RBFOX1: variants seen among roughly 807,000 people sequenced by gnomAD.
The protein encoded by RBFOX1 is RNA binding fox-1 homolog 1.
RBFOX1 carries 8 observed loss-of-function variants against 57.7 expected under a neutral mutation model. The observed-to-expected ratio is 0.14, with a 90% CI of 0.08 to 0.25. The LOEUF (loss-of-function observed/expected upper bound fraction) is 0.25, where lower values mean the gene tolerates loss of function less well. RBFOX1 is among the 10% of genes least tolerant of loss of function. The probability of loss-of-function intolerance (pLI) is 1.00; values close to 1 mark genes in which losing one functional copy is unlikely to be tolerated. For missense variants in RBFOX1, 611 were observed against 548.5 expected, an observed-to-expected ratio of 1.11 and a Z score of -1.14; for synonymous variants, 326 against 222.4, an observed-to-expected ratio of 1.47 and a Z score of -4.15.
chr16:6,156,824 T>G (rs923293103), intron 1 of RBFOX1, among the ~76,000 whole-genome samples: 8 of 152,170 alleles, frequency 5.3e-5, no homozygotes, highest in Admixed American at 2.0e-4. Context: ...TATACTATGT[T>G]TATTTAAATG....
intron 3 of RBFOX1, among the ~76,000 whole-genome samples, chr16:6,792,253 A>G (rs1006061029): frequency 6.6e-6 from 1 of 152,188 alleles, no homozygotes; most frequent in Non-Finnish European, 1.5e-5. Context: ...TGATATTTAG[A>G]TTTTGTAAGA....
In RBFOX1 at chr16:6,760,822, C is replaced by T. The variant is rs181192123; in HGVS notation, c.-16+106172C>T. Among the ~76,000 whole-genome samples the T allele has an allele frequency of 3.0e-3, 458 of 152,272 alleles. 2 individuals are homozygous for T. The highest frequency in any genetic ancestry group is 9.6e-3 in the African/African-American group (401 of 41,560). On this transcript the variant is annotated intron_variant, in intron 3 of 15. Coordinates refer to ENST00000550418, the MANE Select transcript of RBFOX1 (RefSeq NM_018723.4). The stretch of plus-strand genomic sequence containing the variant: ...GATCAGAGATTCCAACTAGAACCAA[C>T]ACCAACAGTGTGTGGCCCCAGGGAG...
chr16:5,277,788 A>G (rs2063178014), intron 1 of RBFOX1, among the ~76,000 whole-genome samples: 1 of 152,174 alleles, frequency 6.6e-6, no homozygotes, highest in Admixed American at 6.5e-5. Context: ...ACCTGACATT[A>G]TGACCTTTAG....
At chr16:6,552,993 G>A (rs2097020945) in intron 2 of RBFOX1, among the ~76,000 whole-genome samples, 1 of 152,062 alleles carries the variant, frequency 6.6e-6, no homozygotes, top group South Asian at 2.1e-4. Context: ...AGCATCAGCT[G>A]CCCCCTGCAA....
At chr16:7,161,873 T>G (rs776954071) in intron 4 of RBFOX1, among the ~76,000 whole-genome samples, 3 of 152,240 alleles carry the variant, frequency 2.0e-5, no homozygotes, top group Non-Finnish European at 4.4e-5. Context: ...CCATTTGCAG[T>G]GCCCAGAATG....
At chr16:5,505,279 T>C (rs1269691149) in intron 2 of RBFOX1, among the ~76,000 whole-genome samples, 1 of 152,232 alleles carries the variant, frequency 6.6e-6, no homozygotes, top group Non-Finnish European at 1.5e-5. Flanking sequence ...GGGATAACCC[T>C]GAACTGTAGG....
At chr16:6,101,952 A>T (rs1285238476) in intron 1 of RBFOX1, among the ~76,000 whole-genome samples, 1 of 152,060 alleles carries the variant, frequency 6.6e-6, no homozygotes, top group Non-Finnish European at 1.5e-5. Flanking sequence ...TGGCTCTCGG[A>T]GGCCCAGGGT....
At chr16:5,809,242 C>G (rs971007538) in intron 3 of RBFOX1, among the ~76,000 whole-genome samples, 2 of 152,164 alleles carry the variant, frequency 1.3e-5, no homozygotes, top group South Asian at 2.1e-4. Context: ...CTAGGCATTA[C>G]CATTCAGGAC....
intron 3 of RBFOX1, among the ~76,000 whole-genome samples, chr16:5,633,621 C>T (rs1305061883): frequency 6.6e-6 from 1 of 152,100 alleles, no homozygotes; most frequent in Non-Finnish European, 1.5e-5. Flanking sequence ...CGCCTGTAAT[C>T]CCAGCACTTT....
intron 3 of RBFOX1, among the ~76,000 whole-genome samples, chr16:6,838,344 C>T (rs549155550): frequency 2.5e-4 from 38 of 152,148 alleles, no homozygotes; most frequent in African/African-American, 8.7e-4. Flanking sequence ...CATGTCCCTG[C>T]AAAGACCATT....
intron 3 of RBFOX1, among the ~76,000 whole-genome samples, chr16:6,856,829 A>G (rs2057999655): frequency 1.3e-5 from 2 of 152,148 alleles, no homozygotes; most frequent in African/African-American, 4.8e-5. Flanking sequence ...TTGTCAAACC[A>G]CTGATTGACA....
At chr16:7,157,045 T>C (rs2077294034) in intron 4 of RBFOX1, among the ~76,000 whole-genome samples, 1 of 152,216 alleles carries the variant, frequency 6.6e-6, no homozygotes, top group African/African-American at 2.4e-5. Flanking sequence ...CAAGGAGCTC[T>C]CCTGTTTTTC....
At chr16:5,952,507 G>A (rs779062461) in intron 4 of RBFOX1, among the ~76,000 whole-genome samples, 3 of 151,978 alleles carry the variant, frequency 2.0e-5, no homozygotes, top group African/African-American at 4.8e-5. Context: ...GGCTGGTCTC[G>A]AACCACTGAC....
intron 5 of RBFOX1, among the ~76,000 whole-genome samples, chr16:7,546,693 C>T (rs2084650222): frequency 6.6e-6 from 1 of 152,188 alleles, no homozygotes; most frequent in African/African-American, 2.4e-5. Flanking sequence ...TATTCAATGA[C>T]TATTCAGATT....
At chr16:7,028,034 T>C (rs1442340749) in intron 3 of RBFOX1, among the ~76,000 whole-genome samples, 2 of 152,096 alleles carry the variant, frequency 1.3e-5, no homozygotes, top group East Asian at 3.9e-4. Context: ...GGAAGCCTTA[T>C]TTAATCTCCA....
intron 4 of RBFOX1, among the ~76,000 whole-genome samples, chr16:7,415,396 A>C (rs2098468762): frequency 6.6e-6 from 1 of 152,116 alleles, no homozygotes; most frequent in Non-Finnish European, 1.5e-5. Flanking sequence ...AGTGCACTTG[A>C]AGTTTGTGGT....
In RBFOX1 at chr16:5,969,969, C is replaced by T. The variant is rs944444980; in HGVS notation, c.351+102634C>T. Among the ~76,000 whole-genome samples the T allele has an allele frequency of 7.6e-4, 115 of 152,206 alleles. 1 individual carries two copies. Among genetic ancestry groups the T allele is most frequent in the African/African-American group, 2.7e-3 (111 of 41,526 alleles). On this transcript the variant is annotated intron_variant, in intron 4 of 19. Coordinates refer to the RBFOX1 transcript ENST00000641259. The stretch of plus-strand genomic sequence containing the variant: ...GTTGACCACATCTGTTGCTTCGCAG[C>T]TCACTGGGGATACGTTGTGTTCACT...
At chr16:5,777,210 GCCTTT>G (rs1048079209) in intron 3 of RBFOX1, among the ~76,000 whole-genome samples, 23 of 152,218 alleles carry the variant, frequency 1.5e-4, no homozygotes, top group African/African-American at 5.5e-4. Flanking sequence ...GAATTTCCTT[GCCTTT>G]TCCAGCTGCA....
Position 6,497,682 on chromosome 16 carries a change from G to A in RBFOX1, c.-63-156921G>A, listed in dbSNP as rs536012724. Among the ~76,000 whole-genome samples, 24 of 152,020 alleles carry A rather than the reference G, an allele frequency of 1.6e-4. 1 individual carries two copies. The highest frequency in any genetic ancestry group is 1.2e-3 in the Admixed American group (19 of 15,262). On this transcript the variant is annotated intron_variant, in intron 2 of 15. Coordinates refer to ENST00000550418, the MANE Select transcript of RBFOX1 (RefSeq NM_018723.4). ...AGTGATTGTCCTGCCTCAGCCTCCT[G>A]AGTAGCTGAGATTACAGGCAGATAC...
Sources: allele counts gnomAD v4.1 joint callset (sites outside exome capture counted in the v4.1 genomes callset), GRCh38; gene constraint gnomAD v4.1.1; transcripts MANE v1.5; gene names NCBI Gene and HGNC (gene_info 2026-07-23, HGNC 2026-07-21).